Variants in MBOAT7 observed in about 807,000 individuals in gnomAD.
MBOAT7 encodes membrane bound acylglycerophosphatidylinositol O-acyltransferase MBOAT7, also known as membrane-bound acylglycerophosphatidylinositol O-acyltransferase MBOAT7.
A neutral mutation model predicts 47.4 loss-of-function variants in MBOAT7; 40 were observed. That is an observed-to-expected ratio of 0.84 (90% CI 0.66 to 1.10). The LOEUF is 1.10. MBOAT7 is among the 50% of genes least tolerant of loss of function. The pLI, the probability that MBOAT7 is intolerant of heterozygous loss-of-function variation, is 0.00. For synonymous variants in MBOAT7, 361 were observed against 292.0 expected, an observed-to-expected ratio of 1.24 and a Z score of -2.41; for missense variants, 680 against 655.6, an observed-to-expected ratio of 1.04 and a Z score of -0.41.
intron 7 of MBOAT7, chr19:54,178,438 G>A (rs1332438565): frequency 7.8e-7 from 1 of 1,286,020 alleles, no homozygotes; most frequent in East Asian, 3.1e-5. Context: ...CAACTAAGAG[G>A]TCAACTAACT....
chr19:54,188,737 C>T (rs972477125), intron 1 of MBOAT7, among the ~76,000 whole-genome samples: 1 of 151,976 alleles, frequency 6.6e-6, no homozygotes, highest in Non-Finnish European at 1.5e-5. Flanking sequence ...AGCGCACAGG[C>T]CTCCAGCTCT....
chr19:54,182,793 T>TG (rs2147004789), intron 5 of MBOAT7, among the ~76,000 whole-genome samples: 1 of 152,146 alleles, frequency 6.6e-6, no homozygotes, highest in South Asian at 2.1e-4. Flanking sequence ...CTCCGTCTCG[T>TG]GGGTTCAAGC....
rs554078016 is a variant in MBOAT7, at chr19:54,180,832, G to A, written c.795C>T (p.Pro265=). Residue 265 remains proline, a synonymous_variant, in exon 6 of 8, where the codon CCC becomes CCT. Coordinates refer to ENST00000245615, the MANE Select transcript of MBOAT7 (RefSeq NM_024298.5). This position sits in a 1 kb window ranked among gnomAD's most constrained non-coding sequence, Gnocchi z 5.2. ...GCIAAGFGAY[P]VAAKARAGGG... is the part of the protein sequence containing the mutation. The stretch of plus-strand genomic sequence containing the variant: ...CTCCGGCCCGGGCTTTGGCGGCCAC[G>A]GGGTAGGCCCCAAAGCCGGCGGCAA... 1.2e-4 allele frequency: 191 copies of A among 1,573,264 alleles called. No individual in the cohort carries two copies. The highest frequency in any genetic ancestry group is 2.7e-4 in the Admixed American group (14 of 52,694).
At chr19:54,182,739 T>C (rs960906487) in intron 5 of MBOAT7, among the ~76,000 whole-genome samples, 3 of 152,184 alleles carry the variant, frequency 2.0e-5, no homozygotes, top group East Asian at 3.8e-4. Flanking sequence ...CTTGCTCTGT[T>C]GCCCAGGATG....
chr19:54,182,652 A>G (rs150062554), intron 5 of MBOAT7, among the ~76,000 whole-genome samples: 2 of 152,138 alleles, frequency 1.3e-5, no homozygotes, highest in East Asian at 1.9e-4. Flanking sequence ...AAAATTTCAC[A>G]TATATATACA....
intron 7 of MBOAT7, among the ~76,000 whole-genome samples, chr19:54,177,151 AAATACT>A (rs71195744): frequency 0.023 from 3,332 of 146,102 alleles, 88 homozygotes; most frequent in East Asian, 0.13. Flanking sequence ...CAGAGCATCA[AAATACT>A]AATACTAATA....
At chr19:54,178,979 A>T in intron 6 of MBOAT7, 38 bp from the exon 7 acceptor site, 1 of 1,604,622 alleles carries the variant, frequency 6.2e-7, no homozygotes. Flanking sequence ...ACAGACATGC[A>T]GCTCAGCCAG....
intron 4 of MBOAT7, among the ~76,000 whole-genome samples, chr19:54,186,681 T>G (rs546683694): frequency 6.6e-6 from 1 of 152,274 alleles, no homozygotes; most frequent in South Asian, 2.1e-4. Context: ...TGTTCACGGA[T>G]AAGCCGCCAG....
At position 54,184,588 on chromosome 19, in the gene MBOAT7, T is replaced by C. The variant is rs150348356; in HGVS notation, c.334-908A>G. ...CCTTGATAGATCATTTCAAGGTGGG[T>C]GGCTCTACACACCCTTTAAAAAAAA... On this transcript the variant is annotated intron_variant, in intron 4 of 7. Coordinates refer to ENST00000245615, the MANE Select transcript of MBOAT7 (RefSeq NM_024298.5). Among the ~76,000 whole-genome samples the C allele has an allele frequency of 1.6e-3, 238 of 151,636 alleles. 1 individual carries two copies. Among genetic ancestry groups the C allele is most frequent in the African/African-American group, 5.7e-3 (236 of 41,330 alleles).
Position 54,188,017 on chromosome 19 carries a change from G to GA in MBOAT7, c.206+199dup, listed in dbSNP as rs1555842329. 1.4e-4 allele frequency among the ~76,000 whole-genome samples: 17 copies of GA among 118,322 alleles called. 1 individual carries two copies. Among genetic ancestry groups the GA allele is most frequent in the African/African-American group, 7.4e-4 (17 of 22,898 alleles). 77.6% of individuals were successfully genotyped at this position (118,322 alleles called of 152,430 possible). Reference sequence around the variant, plus strand: ...GCAACAGGAGCGAAACTCCATCTCAGAAAGAAAGAAAGAAAGAAAGAAAGA... The same window carrying GA: ...GCAACAGGAGCGAAACTCCATCTCAGAAAAGAAAGAAAGAAAGAAAGAAAGA... On this transcript the variant is annotated intron_variant, in intron 3 of 7. Transcript: ENST00000245615.
rs758805684 is a variant in MBOAT7, at chr19:54,174,337, C to T, written c.1126G>A (p.Glu376Lys). ...FLTIPLCLAA[E>K]GRLESALRGR... ...CGCAGGGCTGACTCCAGCCGGCCCT[C>T]GGCAGCCAGGCACAGCGGGATGGTC... Residue 376 changes from glutamate (E) to lysine (K), a missense_variant, in exon 8 of 8, where the codon GAG becomes AAG. Coordinates refer to ENST00000245615, the MANE Select transcript of MBOAT7 (RefSeq NM_024298.5). 1.7e-5 allele frequency: 27 copies of T among 1,612,954 alleles called. No homozygotes were observed. Among genetic ancestry groups the T allele is most frequent in the South Asian group, 1.3e-4 (12 of 90,978 alleles).
chr19:54,183,711 G>A (rs767306408), intron 4 of MBOAT7, 31 bp from the exon 5 acceptor site: 37 of 1,512,828 alleles, frequency 2.4e-5, no homozygotes, highest in African/African-American at 4.2e-5. Context: ...AAGGGGCCAG[G>A]TCAGACTCTG....
chr19:54,187,022 G>C (rs546918123), intron 4 of MBOAT7, 139 bp downstream of exon 4: 3 of 1,065,772 alleles, frequency 2.8e-6, no homozygotes, highest in Admixed American at 2.7e-5. Flanking sequence ...GCTGTGCCCA[G>C]GGCAGCAAGT....
In MBOAT7 at chr19:54,180,994, G is replaced by A; in HGVS notation, c.633C>T (p.Leu211=). The change falls in exon 6 of 8, where the codon CTC becomes CTT. Residue 211 remains leucine (L), a synonymous_variant. Coordinates refer to ENST00000245615, the MANE Select transcript of MBOAT7 (RefSeq NM_024298.5). The surrounding 1 kb of genome is among the most constrained non-coding windows in gnomAD (Gnocchi z 5.2). ...FGLLFLLSSH[L]FPLEAVREDA... ...CCTCGCGCACGGCCTCCAGCGGGAA[G>A]AGGTGAGAGGAGAGCAGGAACAGCA... is the stretch of plus-strand genomic sequence containing the variant. 1.3e-6 allele frequency: 2 copies of A among 1,562,284 alleles called. No homozygotes were observed. The highest frequency in any genetic ancestry group is 2.3e-5 in the East Asian group (1 of 42,822).
At position 54,175,187 on chromosome 19, in the gene MBOAT7, C is replaced by T. The variant is rs372019727; in HGVS notation, c.1032-756G>A. 4.3e-4 allele frequency among the ~76,000 whole-genome samples: 66 copies of T among 152,218 alleles called. 1 individual carries two copies. The highest frequency in any genetic ancestry group is 1.2e-3 in the Admixed American group (19 of 15,288). On this transcript the variant is annotated intron_variant, in intron 7 of 7. Transcript: ENST00000245615. ...TAGAGACGGGGTTTCACCGTGTTAG[C>T]CAGGATGGTCTCGATCTCCTGACCT...
chr19:54,179,093 A>G, intron 6 of MBOAT7, 152 bp from the exon 7 acceptor site: 2 of 1,079,914 alleles, frequency 1.9e-6, no homozygotes, highest in South Asian at 1.6e-5. Flanking sequence ...GCAGCAAGGG[A>G]GGGTGGCCCA....
chr19:54,188,051 AAGAAAGAAAGAAAGAAAGAC>A (rs1392888854), intron 3 of MBOAT7, among the ~76,000 whole-genome samples, 146 bp downstream of exon 3: 35 of 51,366 alleles, frequency 6.8e-4, no homozygotes, highest in Middle Eastern at 9.6e-3. Context: ...GAAAGAAAGA[AAGAAAGAAAGAAAGAAAGAC>A]AAACAAACAA....
At chr19:54,178,599 C>T (rs916634861) in intron 7 of MBOAT7, 166 bp downstream of exon 7, 9 of 1,430,956 alleles carry the variant, frequency 6.3e-6, no homozygotes, top group South Asian at 1.5e-5. Flanking sequence ...TTTACACCGG[C>T]ATGCTGCCAC....
rs1003540985 is a variant in MBOAT7, at chr19:54,175,022, C to G, written c.1032-591G>C. Among the ~76,000 whole-genome samples, 3 of 144,408 alleles carry G rather than the reference C, an allele frequency of 2.1e-5. No individual in the cohort carries two copies. The East Asian group carries it at 6.1e-4, about 29-fold the overall frequency. The allele number at this position is 144,408 out of a possible 152,430, so 94.7% of individuals were successfully genotyped here. A position where few individuals can be genotyped will look rare whatever the true frequency, so the allele number is the denominator to read the frequency against. ...ACAGAGTCTCGCTCTGTCGCCCAGG[C>G]TAGAGTGCAGTGGCGCGATCTTGGC... is the stretch of plus-strand genomic sequence containing the variant. On this transcript the variant is annotated intron_variant, in intron 7 of 7. Coordinates refer to ENST00000245615, the MANE Select transcript of MBOAT7 (RefSeq NM_024298.5).
Sources: gnomAD v4.1 joint callset for allele counts (sites outside exome capture counted in the v4.1 genomes callset) on GRCh38, gnomAD v4.1.1 for gene constraint, Gnocchi (gnomAD v3.1) non-coding constraint, MANE v1.5 for transcripts, NCBI Gene and HGNC (gene_info 2026-07-23, HGNC 2026-07-21) for gene names.